Variants in ARL6IP6 observed in about 807,000 individuals in gnomAD.
The protein encoded by ARL6IP6 is ARF like GTPase 6 interacting protein 6.
Under a neutral mutation model 21.5 loss-of-function variants are expected in ARL6IP6, and 22 were observed. The ratio of observed to expected loss-of-function variants is 1.02; its 90% CI spans 0.73 to 1.46. ARL6IP6 has a LOEUF of 1.46. ARL6IP6 is among the 40% of genes most tolerant of loss of function. The pLI, the probability that ARL6IP6 is intolerant of heterozygous loss-of-function variation, is 0.00. For synonymous variants in ARL6IP6, 164 were observed against 125.3 expected, an observed-to-expected ratio of 1.31 and a Z score of -2.06; for missense variants, 388 against 299.8, an observed-to-expected ratio of 1.29 and a Z score of -2.17.
intron 2 of ARL6IP6, chr2:152,732,692 G>A (rs974790072): frequency 3.5e-5 from 10 of 286,746 alleles, no homozygotes; most frequent in African/African-American, 9.1e-5. Flanking sequence ...TATCCATGAG[G>A]AATTGGTTCC....
At chr2:152,731,286 A>G (rs1700297263) in intron 2 of ARL6IP6, among the ~76,000 whole-genome samples, 2 of 152,168 alleles carry the variant, frequency 1.3e-5, no homozygotes, top group African/African-American at 4.8e-5. Context: ...ATAATTTACC[A>G]CACTTTCTAT....
intron 2 of ARL6IP6, among the ~76,000 whole-genome samples, chr2:152,723,474 A>G (rs1481644482): frequency 1.3e-5 from 2 of 152,210 alleles, no homozygotes; most frequent in East Asian, 1.9e-4. Flanking sequence ...TCCGTGACTC[A>G]TATTTAAAAT....
chr2:152,727,393 C>T (rs1354442403), intron 2 of ARL6IP6, among the ~76,000 whole-genome samples: 1 of 152,124 alleles, frequency 6.6e-6, no homozygotes, highest in Non-Finnish European at 1.5e-5. Context: ...AAGAAAGTTA[C>T]AGTAAGCTAA....
At chr2:152,717,706 C>A (rs1699192953), upstream of ARL6IP6, 2 of 1,384,268 alleles carry the variant, frequency 1.4e-6, no homozygotes, top group Non-Finnish European at 1.9e-6. Flanking sequence ...CCAACTTCCC[C>A]AGGGGAAGGG....
intron 3 of ARL6IP6, among the ~76,000 whole-genome samples, chr2:152,748,831 G>A (rs1469039028): frequency 6.6e-6 from 1 of 152,212 alleles, no homozygotes; most frequent in Non-Finnish European, 1.5e-5. Context: ...TATTCTAACA[G>A]AGTGGAGTCT....
chr2:152,729,068 A>G (rs1296944787), intron 2 of ARL6IP6, among the ~76,000 whole-genome samples: 1 of 151,904 alleles, frequency 6.6e-6, no homozygotes, highest in East Asian at 1.9e-4. Flanking sequence ...AAAAAAAAAA[A>G]AAAATTAATA....
chr2:152,748,000 C>G (rs1574059579), intron 3 of ARL6IP6, among the ~76,000 whole-genome samples: 1 of 152,156 alleles, frequency 6.6e-6, no homozygotes, highest in Non-Finnish European at 1.5e-5. Context: ...CGCATCCAGC[C>G]CTACTAATTT....
chr2:152,761,952 C>T lies in ARL6IP6; in HGVS notation c.*2112C>T, dbSNP rs542495650. Among the ~76,000 whole-genome samples the T allele has an allele frequency of 7.2e-5, 11 of 152,114 alleles. No individual in the cohort carries two copies. The South Asian group carries it at 8.3e-4, about 11-fold the overall frequency. ...AGATAAATATAGAGAGAGATGTATC[C>T]GTAAGATATTTTTGTGGAATCCTAA... On this transcript the variant is annotated 3_prime_UTR_variant, in exon 4 of 4. Coordinates refer to ENST00000326446, the MANE Select transcript of ARL6IP6 (RefSeq NM_152522.7).
chr2:152,746,821 C>CTTTTTTTTTTTTTTTTTTTTTTTTTTTTT lies in ARL6IP6; in HGVS notation c.587+11719_587+11720insTTTTTTTTTTTTTTTTTTTTTTTTTTTTT, dbSNP rs61506535. Reference sequence around the variant, plus strand: ...TATTTATCCTGAGATTTTATCCTTTCTTTTTTTTTTTTTTTTTTTTTTTTG... The same window carrying CTTTTTTTTTTTTTTTTTTTTTTTTTTTTT: ...TATTTATCCTGAGATTTTATCCTTTCTTTTTTTTTTTTTTTTTTTTTTTTTTTTTTTTTTTTTTTTTTTTTTTTTTTTTG... On this transcript the variant is annotated intron_variant, in intron 3 of 3. Transcript: ENST00000326446. Among the ~76,000 whole-genome samples, 3 of 33,074 alleles carry CTTTTTTTTTTTTTTTTTTTTTTTTTTTTT rather than the reference C, an allele frequency of 9.1e-5. 1 individual carries two copies. Among genetic ancestry groups the CTTTTTTTTTTTTTTTTTTTTTTTTTTTTT allele is most frequent in the African/African-American group, 4.2e-4 (3 of 7,216 alleles). 21.7% of individuals were successfully genotyped at this position (33,074 alleles called of 152,430 possible).
chr2:152,735,185 A>G lies in ARL6IP6; in HGVS notation c.587+59A>G, dbSNP rs1016072485. 5.7e-6 allele frequency: 9 copies of G among 1,574,522 alleles called. No homozygotes were observed. In the Admixed American group the frequency reaches 1.5e-4, roughly 27 times the overall value. On this transcript the variant is annotated intron_variant, in intron 3 of 3. Transcript: ENST00000326446. ...TGCATTTCAACTCTTGAAAATACTA[A>G]AATACTCAGAAGCAAGAGGCTGATC...
chr2:152,720,422 C>G, intron 1 of ARL6IP6, 111 bp from the exon 2 acceptor site: 1 of 1,026,172 alleles, frequency 9.7e-7, no homozygotes, highest in Non-Finnish European at 1.5e-6. Context: ...GAACCCAGTT[C>G]TTTGTGACTC....
In ARL6IP6 at chr2:152,755,631, G is replaced by A. The variant is rs1025185000; in HGVS notation, c.588-4116G>A. Among the ~76,000 whole-genome samples, 7 of 152,182 alleles carry A rather than the reference G, an allele frequency of 4.6e-5. 1 individual carries two copies. The highest frequency in any genetic ancestry group is 4.1e-4 in the South Asian group (2 of 4,836). ...GAAGGGCCCCCTGTCCAGTGGACAC[G>A]TGACCCACGTAACCTTACATATCAT... On this transcript the variant is annotated intron_variant, in intron 3 of 3. Transcript: ENST00000326446.
In ARL6IP6 at chr2:152,761,468, C is replaced by T. The variant is rs78171211; in HGVS notation, c.*1628C>T. 0.029 allele frequency among the ~76,000 whole-genome samples: 4,428 copies of T among 152,176 alleles called. 230 individuals carry two copies. Among genetic ancestry groups the T allele is most frequent in the African/African-American group, 0.1 (4,149 of 41,496 alleles). Reference sequence around the variant, plus strand: ...ACCACTCTGTATTCCCACGCACCACCAATGTGAGTAACTCCCTCCAGATTG... The same window carrying T: ...ACCACTCTGTATTCCCACGCACCACTAATGTGAGTAACTCCCTCCAGATTG... On this transcript the variant is annotated 3_prime_UTR_variant, in exon 4 of 4. Coordinates refer to ENST00000326446, the MANE Select transcript of ARL6IP6 (RefSeq NM_152522.7).
At chr2:152,738,535 C>T (rs907540955) in intron 3 of ARL6IP6, among the ~76,000 whole-genome samples, 1 of 152,224 alleles carries the variant, frequency 6.6e-6, no homozygotes. Context: ...GTTGCCAGAC[C>T]TCAGTTCTTG....
rs981053566 is a variant in ARL6IP6, at chr2:152,761,856, C to G, written c.*2016C>G. On this transcript the variant is annotated 3_prime_UTR_variant, in exon 4 of 4. Coordinates refer to ENST00000326446, the MANE Select transcript of ARL6IP6 (RefSeq NM_152522.7). ...ACAATGATGAAATTGCCTAATGACG[C>G]TTTTCTCAGAATATATCCTTGTCAT... Among the ~76,000 whole-genome samples the G allele has an allele frequency of 3.3e-5, 5 of 152,074 alleles. No homozygotes were observed. Among genetic ancestry groups the G allele is most frequent in the African/African-American group, 1.2e-4 (5 of 41,378 alleles).
chr2:152,735,264 A>G lies in ARL6IP6; in HGVS notation c.587+138A>G, dbSNP rs1026520551. The stretch of plus-strand genomic sequence containing the variant: ...TAAAGCACTAATAACAGGACTTTTC[A>G]GCTTGTAGGCTCAGCCTTTAGATAC... On this transcript the variant is annotated intron_variant, in intron 3 of 3. Transcript: ENST00000326446. 1.0e-5 allele frequency: 8 copies of G among 791,714 alleles called. No homozygotes were observed. In the African/African-American group the frequency reaches 1.2e-4, roughly 12 times the overall value. 49.0% of individuals were successfully genotyped at this position (791,714 alleles called of 1,614,324 possible).
chr2:152,746,373 G>C (rs1701047709), intron 3 of ARL6IP6, among the ~76,000 whole-genome samples: 1 of 152,106 alleles, frequency 6.6e-6, no homozygotes, highest in Non-Finnish European at 1.5e-5. Context: ...TAGCTGAAGA[G>C]GGACAAGTGT....
intron 3 of ARL6IP6, among the ~76,000 whole-genome samples, chr2:152,739,144 G>A (rs1213086339): frequency 2.0e-5 from 3 of 151,908 alleles, no homozygotes; most frequent in South Asian, 2.1e-4. Flanking sequence ...CACCACGCCC[G>A]GCTAATTTTT....
chr2:152,735,967 T>G (rs190213314), intron 3 of ARL6IP6, among the ~76,000 whole-genome samples: 90 of 152,266 alleles, frequency 5.9e-4, no homozygotes, highest in Non-Finnish European at 1.0e-3. Flanking sequence ...GCCTTCATTA[T>G]TAGTAAACTC....
Sources: gnomAD v4.1 joint callset for allele counts (sites outside exome capture counted in the v4.1 genomes callset) on GRCh38, gnomAD v4.1.1 for gene constraint, MANE v1.5 for transcripts, NCBI Gene and HGNC (gene_info 2026-07-23, HGNC 2026-07-21) for gene names.